Variants in PARP4 observed in about 807,000 individuals in gnomAD.
The protein encoded by PARP4 is poly(ADP-ribose) polymerase family member 4, also known as protein mono-ADP-ribosyltransferase PARP4.
PARP4 carries 120 observed loss-of-function variants against 187.7 expected under a neutral mutation model. The ratio of observed to expected loss-of-function variants is 0.64; its 90% CI spans 0.55 to 0.74. The LOEUF (loss-of-function observed/expected upper bound fraction) is 0.74. Among genes scored for constraint, PARP4 ranks in the 30% least tolerant of loss-of-function variants. The probability of loss-of-function intolerance (pLI) is 0.00; values close to 1 mark genes in which losing one functional copy is unlikely to be tolerated. For synonymous variants in PARP4, 654 were observed against 740.9 expected (o/e 0.88, Z 1.90); for missense variants, 1,836 against 2,070.5 (o/e 0.89, Z 2.20).
At position 24,471,076 on chromosome 13, in the gene PARP4, T is replaced by C. The variant is rs150158645; in HGVS notation, c.1915-1051A>G. Among the ~76,000 whole-genome samples, 1,189 of 152,280 alleles carry C rather than the reference T, an allele frequency of 7.8e-3. 10 individuals carry two copies. The highest frequency in any genetic ancestry group is 0.013 in the Non-Finnish European group (897 of 68,008). ...CTGCCTGCAATGACTGCTTAGAGTG[T>C]GCCTGGTGAGGAGGCACCAGGACTG... On this transcript the variant is annotated intron_variant, in intron 15 of 33. Transcript: ENST00000381989.
intron 27 of PARP4, among the ~76,000 whole-genome samples, chr13:24,445,159 C>T (rs893473634): frequency 5.9e-5 from 9 of 152,140 alleles, no homozygotes; most frequent in Non-Finnish European, 1.0e-4. Flanking sequence ...CTCGTGCACA[C>T]GTAACGACAT....
intron 22 of PARP4, among the ~76,000 whole-genome samples, chr13:24,454,052 G>A (rs1017886114): frequency 2.0e-5 from 3 of 149,098 alleles, no homozygotes; most frequent in Admixed American, 1.3e-4. Flanking sequence ...AGCTGAGATC[G>A]CACCACCGCA....
At chr13:24,476,164 G>C (rs1430131648) in intron 14 of PARP4, among the ~76,000 whole-genome samples, 1 of 150,128 alleles carries the variant, frequency 6.7e-6, no homozygotes, top group Non-Finnish European at 1.5e-5. Context: ...CTTTGGTAGA[G>C]ATTGGAGTTT....
chr13:24,457,770 CAAAAAAAAAAAAAA>C (rs33930012), intron 20 of PARP4, among the ~76,000 whole-genome samples: 15,383 of 85,854 alleles, frequency 0.18, 1,026 homozygotes, highest in African/African-American at 0.25. Context: ...GACTCTGTCT[CAAAAAAAAAAAAAA>C]AAAAAAAAAA....
intron 17 of PARP4, among the ~76,000 whole-genome samples, chr13:24,461,621 T>A (rs183173318): frequency 6.6e-6 from 1 of 152,160 alleles, no homozygotes; most frequent in African/African-American, 2.4e-5. Flanking sequence ...TTTCCCCATA[T>A]CCCCACAGCC....
At chr13:24,479,465 A>T (rs1390251931) in intron 12 of PARP4, among the ~76,000 whole-genome samples, 1 of 152,122 alleles carries the variant, frequency 6.6e-6, no homozygotes, top group East Asian at 1.9e-4. Flanking sequence ...GACGTGGAGA[A>T]CCTTTATGTC....
rs1870329383 is a variant in PARP4, at chr13:24,431,450, T to A, written c.4773A>T (p.Glu1591Asp). 6.3e-7 allele frequency: 1 copy of A among 1,594,028 alleles called. No individual in the cohort carries two copies. Among genetic ancestry groups the A allele is most frequent in the Non-Finnish European group, 8.5e-7 (1 of 1,173,354 alleles). The change falls in exon 32 of 34, where the codon GAA becomes GAT. Residue 1591 changes from glutamate to aspartate, a missense_variant. By Grantham distance (45) the Glu-to-Asp change is conservative. Around this residue, in one of 8 missense-constraint regions of PARP4, gnomAD observed 450 missense variants for 439.2 expected, o/e 1.02. Transcript: ENST00000381989. ...TEDGFWKLTPELGLILNLNTN... is the reference protein window; with the variant it reads ...TEDGFWKLTPDLGLILNLNTN... ...TATTAAGATTTAATATAAGTCCCAG[T>A]TCTGGTGTAAGTTTCCAGAAGCCAT...
At chr13:24,453,399 T>A (rs1192852995) in intron 23 of PARP4, among the ~76,000 whole-genome samples, 188 bp downstream of exon 23, 1 of 152,150 alleles carries the variant, frequency 6.6e-6, no homozygotes, top group Non-Finnish European at 1.5e-5. Context: ...TTTTTTCTAT[T>A]CTTTTTAATT....
rs1870550794 is a variant in PARP4 at position 24,435,081 on chromosome 13, C to G, written c.4060G>C (p.Ala1354Pro). ...GATGCATCAAACTGTCTGGGAGGAGCAGCTGAACCGAAACTAGCTACCTGA... is the reference window on the plus strand; with the variant it reads ...GATGCATCAAACTGTCTGGGAGGAGGAGCTGAACCGAAACTAGCTACCTGA... ...YRQVASFGSAAPPRQFDASQF... is the reference protein window; with the variant it reads ...YRQVASFGSAPPPRQFDASQF... Residue 1354 changes from alanine to proline, a missense_variant, in exon 31 of 34, where the codon GCT becomes CCT. Physicochemically the swap from Ala to Pro is conservative, Grantham distance 27. Transcript: ENST00000381989. The G allele has an allele frequency of 1.2e-6, 2 of 1,614,138 alleles. No individual in the cohort carries two copies. Among genetic ancestry groups the G allele is most frequent in the African/African-American group, 2.7e-5 (2 of 75,042 alleles).
intron 1 of PARP4, among the ~76,000 whole-genome samples, chr13:24,506,892 G>A (rs975210836): frequency 6.6e-6 from 1 of 152,220 alleles, no homozygotes; most frequent in African/African-American, 2.4e-5. Context: ...GTGCTGCGCA[G>A]GAGCCAACTG....
intron 31 of PARP4, among the ~76,000 whole-genome samples, chr13:24,431,740 T>G (rs117315221): frequency 6.6e-6 from 1 of 152,354 alleles, no homozygotes; most frequent in Non-Finnish European, 1.5e-5. Context: ...TTATTTCAGT[T>G]AATTAAGGCA....
chr13:24,479,864 G>A (rs1873175861), intron 12 of PARP4, among the ~76,000 whole-genome samples: 1 of 152,122 alleles, frequency 6.6e-6, no homozygotes, highest in Non-Finnish European at 1.5e-5. Flanking sequence ...GGTCCACACT[G>A]CCTTTATGAG....
intron 1 of PARP4, among the ~76,000 whole-genome samples, chr13:24,512,147 T>G (rs1870047534): frequency 6.6e-6 from 1 of 152,212 alleles, no homozygotes; most frequent in Non-Finnish European, 1.5e-5. Flanking sequence ...GAACCTGTGA[T>G]CTACCAACTC....
intron 3 of PARP4, among the ~76,000 whole-genome samples, chr13:24,500,936 A>T (rs1869240071): frequency 6.6e-6 from 1 of 152,224 alleles, no homozygotes; most frequent in African/African-American, 2.4e-5. Flanking sequence ...GAATCTGAAT[A>T]AATTATGCTG....
chr13:24,480,815 T>G (rs1333719411), intron 12 of PARP4, among the ~76,000 whole-genome samples: 1 of 152,192 alleles, frequency 6.6e-6, no homozygotes, highest in African/African-American at 2.4e-5. Flanking sequence ...AACGTAACAA[T>G]GGAAGATGAA....
chr13:24,431,250 C>T, intron 32 of PARP4, 127 bp downstream of exon 32: 1 of 580,758 alleles, frequency 1.7e-6, no homozygotes, highest in Non-Finnish European at 3.0e-6. Context: ...AATATAATTC[C>T]ATTCGAATAT....
intron 5 of PARP4, 58 bp from the exon 6 acceptor site, chr13:24,498,287 C>A: frequency 1.0e-6 from 1 of 986,986 alleles, no homozygotes; most frequent in East Asian, 2.5e-5. Flanking sequence ...ACTACATGTG[C>A]CATTTGAAAA....
intron 15 of PARP4, among the ~76,000 whole-genome samples, chr13:24,472,201 T>C (rs1429372705): frequency 1.3e-5 from 2 of 152,182 alleles, no homozygotes; most frequent in Non-Finnish European, 2.9e-5. Context: ...AATTAAGTAC[T>C]GCATGTGGAA....
intron 30 of PARP4, among the ~76,000 whole-genome samples, chr13:24,441,312 A>G (rs1870914170): frequency 6.6e-6 from 1 of 151,868 alleles, no homozygotes; most frequent in African/African-American, 2.4e-5. Context: ...TCAGATTTTA[A>G]ATTTTTAAAT....
Sources: gnomAD v4.1 joint callset for allele counts (sites outside exome capture counted in the v4.1 genomes callset) on GRCh38, gnomAD v4.1.1 for gene constraint, gnomAD v4.1.1 regional missense constraint, MANE v1.5 for transcripts, NCBI Gene and HGNC (gene_info 2026-07-23, HGNC 2026-07-21) for gene names.